The following ASNS variants were observed in gnomAD, a reference collection of about 807,000 sequenced individuals.
ASNS encodes asparagine synthetase (glutamine-hydrolyzing).
A neutral mutation model predicts 62.6 loss-of-function variants in ASNS; 37 were observed. The ratio of observed to expected loss-of-function variants is 0.59; its 90% CI spans 0.45 to 0.78. The LOEUF (loss-of-function observed/expected upper bound fraction) is 0.78, where lower values mean the gene tolerates loss of function less well. ASNS is among the 30% of genes least tolerant of loss of function. The pLI, the probability that ASNS is intolerant of heterozygous loss-of-function variation, is 0.00. For missense variants in ASNS, 520 were observed against 682.4 expected (o/e 0.76, Z 2.65); for synonymous variants, 207 against 237.9 (o/e 0.87, Z 1.19).
the ASNS span, among the ~76,000 whole-genome samples, chr7:97,904,381 A>T: frequency 6.6e-6 from 1 of 151,480 alleles, no homozygotes; most frequent in Non-Finnish European, 1.5e-5. Context: ...ATAACAAACA[A>T]CTCCTAAATC....
chr7:97,888,987 C>G, the ASNS span, among the ~76,000 whole-genome samples: 1 of 152,170 alleles, frequency 6.6e-6, no homozygotes, highest in East Asian at 1.9e-4. Context: ...GCACACCACC[C>G]AGGAGCCCAG....
chr7:97,922,267 G>A, the ASNS span, among the ~76,000 whole-genome samples: 2 of 152,082 alleles, frequency 1.3e-5, no homozygotes, highest in South Asian at 2.1e-4. Flanking sequence ...TCAGGAGGCC[G>A]AGGTGGGAGG....
the ASNS span, among the ~76,000 whole-genome samples, chr7:97,880,329 C>T: frequency 6.6e-6 from 1 of 151,928 alleles, no homozygotes; most frequent in African/African-American, 2.4e-5. Context: ...TACTCATGTT[C>T]GCCAGGCAGA....
chr7:97,910,249 A>T, the ASNS span, among the ~76,000 whole-genome samples: 1 of 152,148 alleles, frequency 6.6e-6, no homozygotes, highest in Non-Finnish European at 1.5e-5. Flanking sequence ...GAGCTCCAGG[A>T]ACTGGTTTAT....
At chr7:97,904,230 G>A in the ASNS span, among the ~76,000 whole-genome samples, 2 of 150,118 alleles carry the variant, frequency 1.3e-5, no homozygotes, top group Non-Finnish European at 3.0e-5. Flanking sequence ...ACAAACATAA[G>A]GTTGCTATCT....
the ASNS span, among the ~76,000 whole-genome samples, chr7:97,926,258 G>T: frequency 6.6e-6 from 1 of 151,984 alleles, no homozygotes; most frequent in African/African-American, 2.4e-5. Context: ...AGAGCACCAG[G>T]CCTGGTGATG....
At chr7:97,897,301 T>C in the ASNS span, among the ~76,000 whole-genome samples, 2 of 152,080 alleles carry the variant, frequency 1.3e-5, no homozygotes, top group African/African-American at 4.8e-5. Flanking sequence ...ATAAAAACGC[T>C]GAAGACAACC....
In ASNS at chr7:97,858,266, A is replaced by C; in HGVS notation, c.903+12T>G. The C allele has an allele frequency of 6.2e-7, 1 of 1,612,376 alleles. No homozygotes were observed. Among genetic ancestry groups the C allele is most frequent in the Non-Finnish European group, 8.5e-7 (1 of 1,179,856 alleles). Reference sequence around the variant, plus strand: ...TAACTACACTACACAAGGGACAGAGACAGCACCTTACCTTTCTAGCAGCCA... The same window carrying C: ...TAACTACACTACACAAGGGACAGAGCCAGCACCTTACCTTTCTAGCAGCCA... On this transcript the variant is annotated intron_variant, in intron 7 of 12. Coordinates refer to ENST00000394308, the MANE Select transcript of ASNS (RefSeq NM_001673.5).
intron 12 of ASNS, among the ~76,000 whole-genome samples, chr7:97,852,805 C>T (rs1007948382): frequency 6.6e-6 from 1 of 152,124 alleles, no homozygotes; most frequent in African/African-American, 2.4e-5. Flanking sequence ...ATTCTAGATG[C>T]TACTTTATAA....
At chr7:97,886,964 C>T in the ASNS span, among the ~76,000 whole-genome samples, 11 of 152,144 alleles carry the variant, frequency 7.2e-5, no homozygotes, top group Admixed American at 6.6e-5. Flanking sequence ...CATGAGTTCA[C>T]AGGGCAAAGG....
the ASNS span, among the ~76,000 whole-genome samples, chr7:97,927,737 G>A: frequency 4.6e-5 from 7 of 152,214 alleles, no homozygotes; most frequent in Non-Finnish European, 1.0e-4. Context: ...AAACCTTCCA[G>A]AGAACTGTCC....
the ASNS span, among the ~76,000 whole-genome samples, chr7:97,905,130 G>C: frequency 6.6e-6 from 1 of 152,056 alleles, no homozygotes; most frequent in African/African-American, 2.4e-5. Flanking sequence ...AAAGATCTCT[G>C]GCCCCAAGAT....
chr7:97,877,110 T>A (rs74626133), upstream of ASNS, among the ~76,000 whole-genome samples: 1 of 151,410 alleles, frequency 6.6e-6, no homozygotes, highest in Non-Finnish European at 1.5e-5. Context: ...TTTTTTTTTT[T>A]TTGAGATGGA....
At chr7:97,920,063 A>G in the ASNS span, among the ~76,000 whole-genome samples, 1 of 150,552 alleles carries the variant, frequency 6.6e-6, no homozygotes, top group East Asian at 2.0e-4. Context: ...GCTGGAGTAC[A>G]GTGGCACAAT....
chr7:97,851,835 A>T lies in ASNS; in HGVS notation c.*424T>A, dbSNP rs1382124481. The T allele has an allele frequency of 1.7e-5, 3 of 180,106 alleles. No individual in the cohort carries two copies. The highest frequency in any genetic ancestry group is 3.5e-5 in the Non-Finnish European group (3 of 85,006). 11.2% of individuals were successfully genotyped at this position (180,106 alleles called of 1,614,324 possible). ...ATAGAGCTGTGATGAACTCCTATAG[A>T]AGATTCAAGTCTGAGTCTGCCTAGG... On this transcript the variant is annotated 3_prime_UTR_variant, in exon 13 of 13. Transcript: ENST00000394308.
chr7:97,865,065 G>C (rs1397845800), intron 3 of ASNS, among the ~76,000 whole-genome samples: 1 of 152,182 alleles, frequency 6.6e-6, no homozygotes, highest in Non-Finnish European at 1.5e-5. Flanking sequence ...AAGCAAAGGG[G>C]TCACTATCTC....
the ASNS span, among the ~76,000 whole-genome samples, chr7:97,893,230 C>G: frequency 6.6e-6 from 1 of 152,232 alleles, no homozygotes; most frequent in Non-Finnish European, 1.5e-5. Flanking sequence ...TGGGAAATAC[C>G]TGCCTCCATG....
At chr7:97,925,677 A>AAT in the ASNS span, among the ~76,000 whole-genome samples, 1 of 152,192 alleles carries the variant, frequency 6.6e-6, no homozygotes, top group Non-Finnish European at 1.5e-5. Context: ...CCAGGCTGAC[A>AAT]ATAACCTTCC....
chr7:97,920,347 A>G, the ASNS span, among the ~76,000 whole-genome samples: 1 of 151,968 alleles, frequency 6.6e-6, no homozygotes, highest in Non-Finnish European at 1.5e-5. Flanking sequence ...TCCCCTGAGC[A>G]GCTTTTCCTG....
Sources: gnomAD v4.1 joint callset for allele counts (sites outside exome capture counted in the v4.1 genomes callset) on GRCh38, gnomAD v4.1.1 for gene constraint, MANE v1.5 for transcripts, NCBI Gene and HGNC (gene_info 2026-07-23, HGNC 2026-07-21) for gene names.